ADARB2: variants seen among roughly 807,000 people sequenced by gnomAD.
The protein encoded by ADARB2 is inactive double-stranded RNA-specific editase B2.
Under a neutral mutation model 62.2 loss-of-function variants are expected in ADARB2, and 25 were observed. The observed-to-expected ratio is 0.40, with a 90% CI of 0.29 to 0.56. ADARB2 has a LOEUF of 0.56. Ranked by LOEUF, ADARB2 falls within the 20% of genes least tolerant of loss-of-function variation. ADARB2 has a pLI of 0.43. For synonymous variants in ADARB2, 572 were observed against 500.8 expected (o/e 1.14, Z -1.90); for missense variants, 1,071 against 1,077.4 (o/e 0.99, Z 0.08).
At chr10:1,593,662 ATTAAT>A (rs1375281037) in intron 1 of ADARB2, among the ~76,000 whole-genome samples, 1 of 152,222 alleles carries the variant, frequency 6.6e-6, no homozygotes, top group Non-Finnish European at 1.5e-5. Context: ...CTTTGAATTA[ATTAAT>A]TTATGATTTG....
chr10:1,698,116 T>G (rs981686917), intron 1 of ADARB2, among the ~76,000 whole-genome samples: 3 of 152,242 alleles, frequency 2.0e-5, no homozygotes, highest in Non-Finnish European at 4.4e-5. Flanking sequence ...CTTCCCTCTT[T>G]AGTAGTTACT....
intron 6 of ADARB2, among the ~76,000 whole-genome samples, chr10:1,233,433 TGA>T (rs1382598823): frequency 3.3e-5 from 5 of 152,196 alleles, no homozygotes; most frequent in African/African-American, 1.2e-4. Context: ...AGGGATTGTC[TGA>T]GTTATTAAAG....
At chr10:1,654,962 CAT>C (rs1270836210) in intron 1 of ADARB2, among the ~76,000 whole-genome samples, 1 of 152,228 alleles carries the variant, frequency 6.6e-6, no homozygotes, top group Non-Finnish European at 1.5e-5. Context: ...GCCAGAGTCA[CAT>C]TCAGTTACAA....
At chr10:1,661,829 C>T (rs111787896) in intron 1 of ADARB2, among the ~76,000 whole-genome samples, 1 of 152,164 alleles carries the variant, frequency 6.6e-6, no homozygotes, top group African/African-American at 2.4e-5. Flanking sequence ...TGCAAAGGGA[C>T]GGGGAGAATC....
Position 1,737,348 on chromosome 10 carries a change from G to A in ADARB2, c.-198C>T. The A allele has an allele frequency of 1.7e-6, 1 of 576,468 alleles. No individual in the cohort carries two copies. Among genetic ancestry groups the A allele is most frequent in the Non-Finnish European group, 3.0e-6 (1 of 329,424 alleles). The allele number at this position is 576,468 out of a possible 1,614,324, so 35.7% of individuals were successfully genotyped here. On this transcript the variant is annotated 5_prime_UTR_variant, in exon 1 of 10. Coordinates refer to ENST00000381312, the MANE Select transcript of ADARB2 (RefSeq NM_018702.4). ...GTTCTCTATGACTTGCTCCCACTGG[G>A]CTGGGGGCCTCGGCTGGGCGCCTGG...
chr10:1,225,411 A>AT (rs1830736344), intron 6 of ADARB2, among the ~76,000 whole-genome samples: 1 of 152,118 alleles, frequency 6.6e-6, no homozygotes, highest in Non-Finnish European at 1.5e-5. Flanking sequence ...GCCCATTTAC[A>AT]TTTAAGGTTA....
chr10:1,498,100 T>G (rs1831714718), intron 1 of ADARB2, among the ~76,000 whole-genome samples: 1 of 152,166 alleles, frequency 6.6e-6, no homozygotes, highest in Non-Finnish European at 1.5e-5. Context: ...GGGCTGGGCA[T>G]GGTGGCTCAC....
chr10:1,262,424 TCAAA>T (rs1248700493), intron 4 of ADARB2, among the ~76,000 whole-genome samples: 5 of 151,832 alleles, frequency 3.3e-5, no homozygotes, highest in Admixed American at 2.0e-4. Flanking sequence ...TACAATGAAC[TCAAA>T]CAAATTTACA....
chr10:1,595,853 C>G (rs897191241), intron 1 of ADARB2, among the ~76,000 whole-genome samples: 1 of 152,244 alleles, frequency 6.6e-6, no homozygotes, highest in Admixed American at 6.5e-5. Flanking sequence ...CTTTGGACAT[C>G]TACATGTTGG....
intron 1 of ADARB2, among the ~76,000 whole-genome samples, chr10:1,548,215 A>G (rs1282148911): frequency 6.6e-6 from 1 of 152,150 alleles, no homozygotes; most frequent in Non-Finnish European, 1.5e-5. Flanking sequence ...CATTATCACC[A>G]TCATTTCTGG....
chr10:1,241,323 C>T (rs1830920312), intron 5 of ADARB2, among the ~76,000 whole-genome samples: 1 of 152,212 alleles, frequency 6.6e-6, no homozygotes, highest in African/African-American at 2.4e-5. Context: ...TAGGGCTACA[C>T]GTGGGCCTTT....
At chr10:1,250,974 C>T (rs1311402751) in intron 4 of ADARB2, among the ~76,000 whole-genome samples, 1 of 152,198 alleles carries the variant, frequency 6.6e-6, no homozygotes, top group East Asian at 1.9e-4. Context: ...GTAATCACAT[C>T]TCAAACCACT....
intron 3 of ADARB2, among the ~76,000 whole-genome samples, chr10:1,329,468 C>T (rs758827199): frequency 6.6e-6 from 1 of 152,216 alleles, no homozygotes; most frequent in Non-Finnish European, 1.5e-5. Context: ...TGTGGCCTGA[C>T]CTGGCTGGGT....
chr10:1,421,314 C>T lies in ADARB2; in HGVS notation c.101-42154G>A, dbSNP rs530564429. 9.2e-5 allele frequency among the ~76,000 whole-genome samples: 14 copies of T among 151,854 alleles called. No individual in the cohort carries two copies. The East Asian group carries it at 1.7e-3, about 19-fold the overall frequency. ...TCAGGATCTGCAGGACCTAACCCCA[C>T]CCACGCTCAGCTGTGAGGAGATTAA... is the stretch of plus-strand genomic sequence containing the variant. On this transcript the variant is annotated intron_variant, in intron 1 of 9. Transcript: ENST00000381312.
At chr10:1,463,331 G>A (rs1371867694) in intron 1 of ADARB2, among the ~76,000 whole-genome samples, 1 of 152,158 alleles carries the variant, frequency 6.6e-6, no homozygotes, top group Non-Finnish European at 1.5e-5. Flanking sequence ...CGCTGATGAA[G>A]CTGCCTCCCG....
At chr10:1,713,226 G>A (rs1185661464) in intron 1 of ADARB2, among the ~76,000 whole-genome samples, 1 of 152,200 alleles carries the variant, frequency 6.6e-6, no homozygotes, top group African/African-American at 2.4e-5. Flanking sequence ...GGCAGAACCT[G>A]CAAAGTCCCA....
chr10:1,578,234 G>A (rs7920128), intron 1 of ADARB2, among the ~76,000 whole-genome samples: 4,682 of 152,180 alleles, frequency 0.031, 229 homozygotes, highest in African/African-American at 0.11. Flanking sequence ...AGGCAGGAGG[G>A]CCAGGCAGCA....
At chr10:1,651,392 C>T (rs1314220992) in intron 1 of ADARB2, among the ~76,000 whole-genome samples, 2 of 152,348 alleles carry the variant, frequency 1.3e-5, no homozygotes, top group Admixed American at 1.3e-4. Flanking sequence ...AGGCCGCCCT[C>T]CCTGGTTCTC....
intron 4 of ADARB2, among the ~76,000 whole-genome samples, chr10:1,263,364 A>G (rs1831162469): frequency 6.6e-6 from 1 of 152,226 alleles, no homozygotes; most frequent in Non-Finnish European, 1.5e-5. Context: ...CCTGGCATGC[A>G]GGTAAACACT....
Sources: allele counts gnomAD v4.1 joint callset (sites outside exome capture counted in the v4.1 genomes callset), GRCh38; gene constraint gnomAD v4.1.1; transcripts MANE v1.5; gene names NCBI Gene and HGNC (gene_info 2026-07-23, HGNC 2026-07-21).